Variants in CSMD1 observed in about 807,000 individuals in gnomAD.
CSMD1 encodes the protein CUB and sushi domain-containing protein 1.
In CSMD1, 213 loss-of-function variants were observed where a neutral mutation model predicts 417.5. The observed-to-expected ratio is 0.51, with a 90% CI of 0.46 to 0.57. CSMD1 has a LOEUF of 0.57. Among genes scored for constraint, CSMD1 ranks in the 20% least tolerant of loss-of-function variants. CSMD1 has a pLI of 0.00. For missense variants in CSMD1, 6,923 were observed against 4,529.7 expected (o/e 1.53, Z -15.17); for synonymous variants, 2,862 against 1,736.8 (o/e 1.65, Z -16.11).
chr8:4,903,248 G>T (rs756890854), intron 1 of CSMD1, among the ~76,000 whole-genome samples: 4 of 152,084 alleles, frequency 2.6e-5, no homozygotes, highest in Non-Finnish European at 5.9e-5. Context: ...GCCAGACTTA[G>T]TGTGTCATCT....
intron 1 of CSMD1, among the ~76,000 whole-genome samples, chr8:4,854,779 G>A (rs910631403): frequency 7.2e-5 from 11 of 152,028 alleles, no homozygotes; most frequent in Non-Finnish European, 1.0e-4. Flanking sequence ...ACAGAGTCTC[G>A]CTGATTGCTA....
At chr8:2,994,107 T>C (rs568271301) in intron 54 of CSMD1, among the ~76,000 whole-genome samples, 61 of 120,552 alleles carry the variant, frequency 5.1e-4, no homozygotes, top group African/African-American at 1.9e-3. Context: ...GATGGCGCCA[T>C]TGCACTCCAG....
intron 2 of CSMD1, among the ~76,000 whole-genome samples, chr8:4,532,264 C>G (rs1796859592): frequency 6.6e-6 from 1 of 151,068 alleles, no homozygotes; most frequent in Non-Finnish European, 1.5e-5. Flanking sequence ...CATTCACAGT[C>G]ACTCCAGAAA....
chr8:4,348,975 G>A (rs1212755912), intron 3 of CSMD1, among the ~76,000 whole-genome samples: 3 of 152,080 alleles, frequency 2.0e-5, no homozygotes, highest in Non-Finnish European at 2.9e-5. Context: ...TGCACCATAT[G>A]CAAAAACAGG....
At chr8:2,998,459 T>C (rs1807108370) in intron 53 of CSMD1, among the ~76,000 whole-genome samples, 1 of 152,178 alleles carries the variant, frequency 6.6e-6, no homozygotes, top group Non-Finnish European at 1.5e-5. Flanking sequence ...CTCTCTTGAA[T>C]CATGACAGAA....
At chr8:4,439,233 A>AAGC (rs1563173875) in intron 2 of CSMD1, among the ~76,000 whole-genome samples, 3 of 152,282 alleles carry the variant, frequency 2.0e-5, no homozygotes, top group East Asian at 3.9e-4. Flanking sequence ...ACTTTATATG[A>AAGC]AATATATTGC....
chr8:4,709,496 G>A (rs972186250), intron 1 of CSMD1, among the ~76,000 whole-genome samples: 1 of 152,218 alleles, frequency 6.6e-6, no homozygotes, highest in East Asian at 1.9e-4. Context: ...AGCCTCATGT[G>A]CCACCTTCCT....
chr8:3,857,720 C>G (rs564773364), intron 5 of CSMD1, among the ~76,000 whole-genome samples: 11 of 152,232 alleles, frequency 7.2e-5, no homozygotes, highest in Admixed American at 2.0e-4. Flanking sequence ...TGTGATGATC[C>G]ATTTACAAAG....
At chr8:4,016,773 A>T (rs570882385) in intron 4 of CSMD1, among the ~76,000 whole-genome samples, 2 of 152,302 alleles carry the variant, frequency 1.3e-5, no homozygotes, top group South Asian at 2.1e-4. Context: ...ACCTAAGTTT[A>T]TGTGTATAGT....
chr8:4,921,788 T>C lies in CSMD1; in HGVS notation c.85+72544A>G, dbSNP rs1252024523. 2.0e-5 allele frequency among the ~76,000 whole-genome samples: 3 copies of C among 152,280 alleles called. No individual in the cohort carries two copies. The East Asian group carries it at 5.8e-4, about 29-fold the overall frequency. The stretch of plus-strand genomic sequence containing the variant: ...TTCTCCACCAGCCATTTTTTTCTTA[T>C]ATGTTGTTTTCACAGATCATGGCGA... On this transcript the variant is annotated intron_variant, in intron 1 of 69. Coordinates refer to ENST00000635120, the MANE Select transcript of CSMD1 (RefSeq NM_033225.6).
intron 3 of CSMD1, among the ~76,000 whole-genome samples, chr8:4,108,644 T>A (rs577814693): frequency 6.6e-6 from 1 of 152,320 alleles, no homozygotes; most frequent in Non-Finnish European, 1.5e-5. Flanking sequence ...CCTTTTGAAA[T>A]GCCACCTGAC....
intron 1 of CSMD1, among the ~76,000 whole-genome samples, chr8:4,674,997 G>GAATCTCCAAACC (rs1563117789): frequency 6.6e-6 from 1 of 152,182 alleles, no homozygotes; most frequent in Non-Finnish European, 1.5e-5. Context: ...TCCAAACCAA[G>GAATCTCCAAACC]AAGAGAGCCT....
At chr8:4,955,528 A>C (rs933646809) in intron 1 of CSMD1, among the ~76,000 whole-genome samples, 1 of 151,216 alleles carries the variant, frequency 6.6e-6, no homozygotes, top group South Asian at 2.1e-4. Context: ...TGATCTCGGC[A>C]CACTGCAACC....
chr8:4,152,373 A>C (rs1327073909), intron 3 of CSMD1, among the ~76,000 whole-genome samples: 2 of 152,166 alleles, frequency 1.3e-5, no homozygotes, highest in East Asian at 3.9e-4. Context: ...CTTATGTACT[A>C]ATGTTTTTAA....
intron 1 of CSMD1, among the ~76,000 whole-genome samples, chr8:4,692,403 G>C (rs768922128): frequency 6.6e-6 from 1 of 152,146 alleles, no homozygotes; most frequent in African/African-American, 2.4e-5. Context: ...CACATATCCC[G>C]GTTGCTTTTC....
chr8:4,413,585 G>C (rs897687264), intron 3 of CSMD1, among the ~76,000 whole-genome samples: 1 of 151,778 alleles, frequency 6.6e-6, no homozygotes, highest in African/African-American at 2.4e-5. Context: ...TAGCAAGAAC[G>C]CTTATTATGA....
At chr8:4,800,242 G>A (rs76281092) in intron 1 of CSMD1, among the ~76,000 whole-genome samples, 5,784 of 151,936 alleles carry the variant, frequency 0.038, 262 homozygotes, top group East Asian at 0.23. Flanking sequence ...AGTTGGAGAC[G>A]AGACTAGCAA....
At position 3,275,311 on chromosome 8, in the gene CSMD1, T is replaced by C. The variant is rs182113024; in HGVS notation, c.4153+8833A>G. ...GTCAAGAGATCTGCTGTTAGTCTGA[T>C]GGGCTTCCCTTTGAGGGTAACCCAA... On this transcript the variant is annotated intron_variant, in intron 26 of 69. Transcript: ENST00000635120. 2.7e-3 allele frequency among the ~76,000 whole-genome samples: 410 copies of C among 152,316 alleles called. 2 individuals carry two copies. Among genetic ancestry groups the C allele is most frequent in the African/African-American group, 9.5e-3 (395 of 41,568 alleles).
chr8:4,858,054 A>G (rs1466417364), intron 1 of CSMD1, among the ~76,000 whole-genome samples: 2 of 152,134 alleles, frequency 1.3e-5, no homozygotes, highest in African/African-American at 4.8e-5. Flanking sequence ...CACATCAAAA[A>G]GCTTATCCAC....
Sources: gnomAD v4.1 joint callset for allele counts (sites outside exome capture counted in the v4.1 genomes callset) on GRCh38, gnomAD v4.1.1 for gene constraint, MANE v1.5 for transcripts, NCBI Gene and HGNC (gene_info 2026-07-23, HGNC 2026-07-21) for gene names.